Variants in STON1 observed in about 807,000 individuals in gnomAD.
The protein encoded by STON1 is stonin 1.
A neutral mutation model predicts 60.9 loss-of-function variants in STON1; 79 were observed. That is an observed-to-expected ratio of 1.30 (90% confidence interval 1.08 to 1.56). The LOEUF (loss-of-function observed/expected upper bound fraction) is 1.56. Among genes scored for constraint, STON1 ranks in the 40% most tolerant of loss-of-function variants. The probability of loss-of-function intolerance (pLI) is 0.00; values close to 1 mark genes in which losing one functional copy is unlikely to be tolerated. For missense variants in STON1, 1,166 were observed against 858.9 expected (o/e 1.36, Z -4.47); for synonymous variants, 363 against 306.9 (o/e 1.18, Z -1.91).
At chr2:48,539,521 G>T (rs1414227335) in intron 1 of STON1, among the ~76,000 whole-genome samples, 1 of 151,764 alleles carries the variant, frequency 6.6e-6, no homozygotes, top group Non-Finnish European at 1.5e-5. Context: ...TTTTGAGATG[G>T]GATGGAGTCT....
At chr2:48,543,775 G>A (rs192429576) in intron 1 of STON1, among the ~76,000 whole-genome samples, 5 of 152,170 alleles carry the variant, frequency 3.3e-5, no homozygotes, top group Admixed American at 6.6e-5. Flanking sequence ...CAGGTGATCC[G>A]CCTGCCTCAG....
At chr2:48,575,868 C>G (rs1471570577) in intron 1 of STON1, among the ~76,000 whole-genome samples, 2 of 147,652 alleles carry the variant, frequency 1.4e-5, no homozygotes, top group African/African-American at 5.0e-5. Context: ...AAGCAATTCT[C>G]CTGCCTCAGC....
intron 1 of STON1, among the ~76,000 whole-genome samples, chr2:48,554,602 T>C (rs910487310): frequency 9.2e-5 from 14 of 152,200 alleles, no homozygotes; most frequent in African/African-American, 3.4e-4. Flanking sequence ...AGGTTGAGAC[T>C]TAGAGATCTG....
In STON1 at chr2:48,578,581, C is replaced by CTTTTTTTTTTTTTTTTTTT. The variant is rs59933765; in HGVS notation, c.-47-1999_-47-1981dup. Among the ~76,000 whole-genome samples the CTTTTTTTTTTTTTTTTTTT allele has an allele frequency of 3.7e-3, 173 of 46,170 alleles. 16 individuals carry two copies. Among genetic ancestry groups the CTTTTTTTTTTTTTTTTTTT allele is most frequent in the Non-Finnish European group, 4.1e-3 (117 of 28,214 alleles). 30.3% of individuals were successfully genotyped at this position (46,170 alleles called of 152,430 possible). ...CTTCTCCTCCTCCTCCTCCTCCTTC[C>CTTTTTTTTTTTTTTTTTTT]TTTTTTTTTTTTTTTTTTTTTTTTT... On this transcript the variant is annotated intron_variant, in intron 1 of 3. Coordinates refer to ENST00000404752, the MANE Select transcript of STON1 (RefSeq NM_006873.4).
chr2:48,581,745 A>G lies in STON1; in HGVS notation c.1112A>G (p.Asp371Gly). ...HSKTEVVHEP[D>G]IEQMLKLGST... ...AAGACAGAAGTAGTTCATGAACCTG[A>G]CATAGAGCAGATGCTGAAGTTGGGG... Residue 371 changes from aspartate to glycine, a missense_variant, in exon 2 of 4, where the codon GAC (aspartate) becomes GGC (glycine). Coordinates refer to ENST00000404752, the MANE Select transcript of STON1 (RefSeq NM_006873.4). 2 of 1,613,276 alleles carry G rather than the reference A, an allele frequency of 1.2e-6. No individual in the cohort carries two copies. Among genetic ancestry groups the G allele is most frequent in the Non-Finnish European group, 1.7e-6 (2 of 1,179,852 alleles).
At chr2:48,543,812 G>A (rs1470859902) in intron 1 of STON1, among the ~76,000 whole-genome samples, 7 of 152,124 alleles carry the variant, frequency 4.6e-5, no homozygotes, top group African/African-American at 1.7e-4. Flanking sequence ...GATTACAGGC[G>A]TGAGCCACCA....
intron 1 of STON1, among the ~76,000 whole-genome samples, chr2:48,532,607 C>T (rs6717383): frequency 6.6e-6 from 1 of 152,186 alleles, no homozygotes; most frequent in African/African-American, 2.4e-5. Flanking sequence ...ATACTGTTTA[C>T]AGAAAAGTTG....
At chr2:48,544,638 C>T (rs1433082945) in intron 1 of STON1, among the ~76,000 whole-genome samples, 4 of 152,098 alleles carry the variant, frequency 2.6e-5, no homozygotes, top group African/African-American at 9.7e-5. Flanking sequence ...CTCTGCCTCC[C>T]AGGTTCAAGC....
At chr2:48,550,760 A>G (rs1446352912) in intron 1 of STON1, among the ~76,000 whole-genome samples, 3 of 151,482 alleles carry the variant, frequency 2.0e-5, no homozygotes, top group African/African-American at 7.2e-5. Context: ...GCTGCTTTCC[A>G]CATGTTAAGC....
At chr2:48,563,288 C>G (rs1225886705) in intron 1 of STON1, among the ~76,000 whole-genome samples, 1 of 152,168 alleles carries the variant, frequency 6.6e-6, no homozygotes, top group Non-Finnish European at 1.5e-5. Context: ...ATTCTCAATG[C>G]CCAGAGGATG....
At chr2:48,540,625 G>C (rs1671613803) in intron 1 of STON1, among the ~76,000 whole-genome samples, 1 of 152,202 alleles carries the variant, frequency 6.6e-6, no homozygotes, top group African/African-American at 2.4e-5. Context: ...TAGTAAACCA[G>C]TAAACCTAAG....
In STON1 at chr2:48,579,266, A is replaced by G. The variant is rs374144398; in HGVS notation, c.-47-1321A>G. ...GTGATCTGCTCTCCTCAGCCTCCCA[A>G]AGTGCTGGGATTATAGATGTGAGCC... On this transcript the variant is annotated intron_variant, in intron 1 of 3. Transcript: ENST00000404752. Among the ~76,000 whole-genome samples, 3 of 151,392 alleles carry G rather than the reference A, an allele frequency of 2.0e-5. 1 individual carries two copies. Among genetic ancestry groups the G allele is most frequent in the Non-Finnish European group, 1.5e-5 (1 of 67,940 alleles).
chr2:48,545,470 T>C (rs564572196), intron 1 of STON1, among the ~76,000 whole-genome samples: 10 of 152,200 alleles, frequency 6.6e-5, no homozygotes, highest in Non-Finnish European at 1.5e-4. Context: ...CTCCTGCCCC[T>C]AGCGGCTGGC....
chr2:48,531,087 T>G (rs1671192111), intron 1 of STON1: 1 of 152,230 alleles, frequency 6.6e-6, no homozygotes, highest in Non-Finnish European at 1.5e-5. Flanking sequence ...CTAAAAATAC[T>G]CATTTTTGAC....
At chr2:48,537,519 G>T (rs531018567) in intron 1 of STON1, among the ~76,000 whole-genome samples, 1 of 152,124 alleles carries the variant, frequency 6.6e-6, no homozygotes, top group Admixed American at 6.6e-5. Context: ...TTTTGCAAAT[G>T]TTCATAAGTG....
intron 1 of STON1, among the ~76,000 whole-genome samples, chr2:48,539,987 C>T (rs569180496): frequency 3.3e-5 from 5 of 152,156 alleles, no homozygotes; most frequent in Admixed American, 2.0e-4. Context: ...AGGTGACCAT[C>T]TCCTGGACCC....
intron 1 of STON1, among the ~76,000 whole-genome samples, chr2:48,552,798 A>G (rs538946593): frequency 6.6e-6 from 1 of 152,296 alleles, no homozygotes; most frequent in African/African-American, 2.4e-5. Flanking sequence ...ATAACTAAAT[A>G]AAAGTGTACA....
chr2:48,551,036 A>ATTT lies in STON1; in HGVS notation c.-48+20824_-48+20826dup, dbSNP rs1381605540. Among the ~76,000 whole-genome samples the ATTT allele has an allele frequency of 2.6e-5, 4 of 151,042 alleles. No individual in the cohort carries two copies. In the East Asian group the frequency reaches 7.8e-4, roughly 29 times the overall value. On this transcript the variant is annotated intron_variant, in intron 1 of 3. Transcript: ENST00000404752. ...TTCTGTATTTATTATTATTATTATT[A>ATTT]TTTTTTCAACTTTTAGATCATTTTA...
intron 1 of STON1, among the ~76,000 whole-genome samples, chr2:48,541,836 C>T (rs891986212): frequency 3.9e-5 from 6 of 151,994 alleles, no homozygotes; most frequent in East Asian, 1.9e-4. Context: ...TAAATAATAC[C>T]GTGTGCCACT....
Sources: gnomAD v4.1 joint callset for allele counts (sites outside exome capture counted in the v4.1 genomes callset) on GRCh38, gnomAD v4.1.1 for gene constraint, MANE v1.5 for transcripts, NCBI Gene and HGNC (gene_info 2026-07-23, HGNC 2026-07-21) for gene names.